CALN1: variants seen among roughly 807,000 people sequenced by gnomAD.
CALN1 encodes calneuron 1.
In CALN1, 17 loss-of-function variants were observed where a neutral mutation model predicts 30.6. That is an observed-to-expected ratio of 0.56 (90% CI 0.38 to 0.83). The LOEUF (loss-of-function observed/expected upper bound fraction) is 0.83. Ranked by LOEUF, CALN1 falls within the 40% of genes least tolerant of loss-of-function variation. CALN1 has a pLI of 0.00. For synonymous variants in CALN1, 156 were observed against 131.4 expected (o/e 1.19, Z -1.28); for missense variants, 291 against 354.9 (o/e 0.82, Z 1.45).
At chr7:72,187,034 A>G (rs1010658460) in intron 3 of CALN1, among the ~76,000 whole-genome samples, 12 of 152,042 alleles carry the variant, frequency 7.9e-5, no homozygotes, top group Non-Finnish European at 1.8e-4. Flanking sequence ...TGAAAGTGGA[A>G]CCAATTTGAC....
At chr7:72,335,045 C>A (rs1376007016) in intron 2 of CALN1, among the ~76,000 whole-genome samples, 2 of 152,164 alleles carry the variant, frequency 1.3e-5, no homozygotes, top group Admixed American at 6.5e-5. Context: ...GGAATGAATC[C>A]TAAACTGGGC....
intron 3 of CALN1, among the ~76,000 whole-genome samples, chr7:72,208,729 C>G (rs763354088): frequency 4.7e-4 from 71 of 152,116 alleles, no homozygotes; most frequent in Non-Finnish European, 8.4e-4. Context: ...AGAAGCCATG[C>G]TCGATACACA....
At chr7:72,293,129 C>CAG (rs1025904796) in intron 2 of CALN1, among the ~76,000 whole-genome samples, 7 of 152,158 alleles carry the variant, frequency 4.6e-5, no homozygotes, top group African/African-American at 1.7e-4. Context: ...GAGCCTGTAT[C>CAG]AGGCAGTTCA....
chr7:72,416,859 GTGGGCTGGGCTGAGCTGGGC>G (rs1228281306), upstream of CALN1, among the ~76,000 whole-genome samples: 1 of 152,126 alleles, frequency 6.6e-6, no homozygotes, highest in Non-Finnish European at 1.5e-5. Flanking sequence ...TTGAGCTGGG[GTGGGCTGGGCTGAGCTGGGC>G]TGGGCTAGGC....
intron 2 of CALN1, among the ~76,000 whole-genome samples, chr7:72,368,195 A>C (rs147799975): frequency 6.6e-6 from 1 of 151,128 alleles, no homozygotes; most frequent in South Asian, 2.1e-4. Flanking sequence ...CTGTATATAT[A>C]TATGTGTGTG....
intron 2 of CALN1, among the ~76,000 whole-genome samples, chr7:72,344,152 C>T (rs1562908174): frequency 6.6e-6 from 1 of 151,852 alleles, no homozygotes; most frequent in Non-Finnish European, 1.5e-5. Context: ...AGAGAGGTTC[C>T]GGGCCTGTCT....
chr7:72,408,446 A>C (rs971146956), intron 1 of CALN1, among the ~76,000 whole-genome samples: 1 of 151,948 alleles, frequency 6.6e-6, no homozygotes, highest in Non-Finnish European at 1.5e-5. Flanking sequence ...CTCAGAAAAA[A>C]ATTAAACACA....
upstream of CALN1, among the ~76,000 whole-genome samples, chr7:72,414,377 A>G (rs990114632): frequency 2.0e-5 from 3 of 152,186 alleles, no homozygotes; most frequent in Non-Finnish European, 4.4e-5. Context: ...CGAGACAGAG[A>G]GGCTGAGTGG....
intron 3 of CALN1, among the ~76,000 whole-genome samples, chr7:72,206,567 CTT>C (rs752675090): frequency 4.6e-5 from 7 of 151,988 alleles, no homozygotes; most frequent in African/African-American, 1.7e-4. Context: ...GTATTTTGCT[CTT>C]GTTTTAGAGT....
At chr7:72,037,452 CT>C (rs1801870516) in intron 4 of CALN1, among the ~76,000 whole-genome samples, 1 of 152,140 alleles carries the variant, frequency 6.6e-6, no homozygotes, top group Admixed American at 6.5e-5. Context: ...ACCCAGCCTC[CT>C]TTCATAATTT....
intron 5 of CALN1, among the ~76,000 whole-genome samples, chr7:71,939,957 CA>C (rs1796039016): frequency 6.6e-6 from 1 of 152,222 alleles, no homozygotes; most frequent in Admixed American, 6.5e-5. Flanking sequence ...GCCTTACAAA[CA>C]ACATAAGCAA....
intron 3 of CALN1, among the ~76,000 whole-genome samples, chr7:72,190,725 T>C (rs1029479805): frequency 6.6e-6 from 1 of 152,384 alleles, no homozygotes; most frequent in African/African-American, 2.4e-5. Context: ...AAGACTTAGC[T>C]GGCATTTTAT....
At chr7:72,261,588 T>C (rs576939802) in intron 3 of CALN1, among the ~76,000 whole-genome samples, 2 of 152,094 alleles carry the variant, frequency 1.3e-5, no homozygotes, top group African/African-American at 2.4e-5. Flanking sequence ...CACGCTTGGA[T>C]AACTTTTTCA....
intron 5 of CALN1, among the ~76,000 whole-genome samples, chr7:71,838,613 C>T (rs887152673): frequency 2.6e-5 from 4 of 152,158 alleles, no homozygotes; most frequent in Admixed American, 2.0e-4. Context: ...TGTGTCCCCA[C>T]CCAATTCTCA....
At chr7:72,254,633 T>C (rs1795792470) in intron 3 of CALN1, among the ~76,000 whole-genome samples, 1 of 152,186 alleles carries the variant, frequency 6.6e-6, no homozygotes, top group South Asian at 2.1e-4. Context: ...TCCGTTGTTT[T>C]TTTATTTTTA....
intron 4 of CALN1, among the ~76,000 whole-genome samples, chr7:72,047,837 A>G (rs844772): frequency 0.23 from 35,101 of 151,948 alleles, 4,178 homozygotes; most frequent in East Asian, 0.36. Flanking sequence ...GTGCAGCTGC[A>G]AACAGAGACA....
chr7:72,094,810 C>A (rs1272322146), intron 4 of CALN1, among the ~76,000 whole-genome samples: 2 of 152,128 alleles, frequency 1.3e-5, no homozygotes, highest in Non-Finnish European at 2.9e-5. Flanking sequence ...AATGAGAAAC[C>A]TAAAGACTGT....
chr7:72,069,055 G>C (rs1340255118), intron 4 of CALN1, among the ~76,000 whole-genome samples: 2 of 152,204 alleles, frequency 1.3e-5, no homozygotes, highest in South Asian at 4.1e-4. Context: ...AATGAAAATT[G>C]CTTTCCCATC....
chr7:71,893,265 G>C (rs1161121985), intron 5 of CALN1, among the ~76,000 whole-genome samples: 1 of 152,112 alleles, frequency 6.6e-6, no homozygotes, highest in Non-Finnish European at 1.5e-5. Context: ...TAGAGGCTAT[G>C]GATGCTGCTA....
Sources: gnomAD v4.1 joint callset for allele counts (sites outside exome capture counted in the v4.1 genomes callset) on GRCh38, gnomAD v4.1.1 for gene constraint, MANE v1.5 for transcripts, NCBI Gene and HGNC (gene_info 2026-07-23, HGNC 2026-07-21) for gene names.